The following MEGF10 variants were observed in gnomAD, a reference collection of about 807,000 sequenced individuals.
The protein encoded by MEGF10 is multiple EGF like domains 10.
MEGF10 carries 86 observed loss-of-function variants against 147.5 expected under a neutral mutation model. That is an observed-to-expected ratio of 0.58 (90% CI 0.49 to 0.70). MEGF10 has a LOEUF of 0.70. MEGF10 is among the 30% of genes least tolerant of loss of function. The pLI is 0.00. For missense variants in MEGF10, 1,329 were observed against 1,487.3 expected (o/e 0.89, Z 1.75); for synonymous variants, 478 against 525.5 (o/e 0.91, Z 1.24).
At position 127,422,887 on chromosome 5, in the gene MEGF10, T is replaced by C. The variant is rs370330111; in HGVS notation, c.1693+115T>C. On this transcript the variant is annotated intron_variant, in intron 13 of 24. Transcript: ENST00000503335. ...GTCAACTTTTCAAAAAAAATGAAAA[T>C]TCGATAAGGTTTCCAGTAAACTGAA... The C allele has an allele frequency of 1.1e-5, 8 of 758,730 alleles. 1 individual carries two copies. Among genetic ancestry groups the C allele is most frequent in the East Asian group, 2.7e-5 (1 of 36,482 alleles). 47.0% of individuals were successfully genotyped at this position (758,730 alleles called of 1,614,324 possible).
At chr5:127,328,919 G>A (rs552345866) in intron 1 of MEGF10, among the ~76,000 whole-genome samples, 1 of 152,246 alleles carries the variant, frequency 6.6e-6, no homozygotes, top group South Asian at 2.1e-4. Context: ...TTTTTTGATG[G>A]ATGAGGAAAA....
rs1245485061 is a variant in MEGF10, at chr5:127,417,737, G to A, written c.1230G>A (p.Gln410=). 4 of 1,613,956 alleles carry A rather than the reference G, an allele frequency of 2.5e-6. No individual in the cohort carries two copies. The highest frequency in any genetic ancestry group is 3.4e-6 in the Non-Finnish European group (4 of 1,180,032). The change falls in exon 10 of 25, where the codon CAG becomes CAA. Residue 410 remains glutamine (Q), a synonymous_variant. Transcript: ENST00000503335. ...CSPGFYGEAC[Q]QICSCQNGAD... ...CTGGATTCTACGGGGAAGCTTGCCAGCAGATCTGCAGCTGCCAAAATGGGG... is the reference window on the plus strand; with the variant it reads ...CTGGATTCTACGGGGAAGCTTGCCAACAGATCTGCAGCTGCCAAAATGGGG...
chr5:127,269,677 C>T, the MEGF10 span, among the ~76,000 whole-genome samples: 15 of 152,156 alleles, frequency 9.9e-5, no homozygotes, highest in Non-Finnish European at 1.6e-4. Context: ...AGGATATTAT[C>T]CAGGAGAAAT....
upstream of MEGF10, chr5:127,290,693 C>G (rs1759207460): frequency 6.6e-6 from 1 of 152,660 alleles, no homozygotes; most frequent in Non-Finnish European, 1.5e-5. Flanking sequence ...GACAACCCCC[C>G]AGCGGCCACT....
At chr5:127,432,888 G>A (rs1475263705) in intron 13 of MEGF10, among the ~76,000 whole-genome samples, 3 of 152,126 alleles carry the variant, frequency 2.0e-5, no homozygotes, top group Non-Finnish European at 4.4e-5. Flanking sequence ...GCACCATCAA[G>A]TTATTTTAAG....
rs376636074 is a variant in MEGF10 at position 127,308,692 on chromosome 5, A to G, written c.-19+17636A>G. ...AACACATGGACACAGGAAGGGGAAC[A>G]TCACACACCAGAGCCTGTTGTGGGG... On this transcript the variant is annotated intron_variant, in intron 1 of 24. Coordinates refer to ENST00000503335, the MANE Select transcript of MEGF10 (RefSeq NM_001256545.2). 5.3e-5 allele frequency among the ~76,000 whole-genome samples: 8 copies of G among 151,436 alleles called. No individual in the cohort carries two copies. In the South Asian group the frequency reaches 1.3e-3, roughly 24 times the overall value.
chr5:127,425,182 T>C (rs1193314727), intron 13 of MEGF10, among the ~76,000 whole-genome samples: 1 of 152,206 alleles, frequency 6.6e-6, no homozygotes, highest in East Asian at 1.9e-4. Context: ...CCGGAAAATG[T>C]GTTAGTTGCA....
At chr5:127,322,511 A>G (rs1051027293) in intron 1 of MEGF10, among the ~76,000 whole-genome samples, 5 of 152,176 alleles carry the variant, frequency 3.3e-5, no homozygotes, top group Admixed American at 3.3e-4. Context: ...GAATGCCCAT[A>G]CATGTTTTGT....
intron 13 of MEGF10, among the ~76,000 whole-genome samples, chr5:127,426,121 A>C (rs535241664): frequency 2.0e-4 from 30 of 152,312 alleles, no homozygotes; most frequent in Non-Finnish European, 3.2e-4. Flanking sequence ...AGGAATTGAC[A>C]TGACTAAATT....
the MEGF10 span, among the ~76,000 whole-genome samples, chr5:127,266,181 C>A: frequency 6.6e-6 from 1 of 151,878 alleles, no homozygotes; most frequent in Admixed American, 6.6e-5. Flanking sequence ...ATAGGGAATC[C>A]TTTCCCCATT....
chr5:127,267,004 T>C, the MEGF10 span, among the ~76,000 whole-genome samples: 12 of 152,226 alleles, frequency 7.9e-5, no homozygotes, highest in Non-Finnish European at 1.8e-4. Context: ...TGTGCCAGTT[T>C]TCAAAGGGAA....
chr5:127,300,365 G>T (rs1759713417), intron 1 of MEGF10, among the ~76,000 whole-genome samples: 1 of 152,112 alleles, frequency 6.6e-6, no homozygotes, highest in African/African-American at 2.4e-5. Context: ...TTAAAAATAG[G>T]AAAGTTAAAT....
intron 9 of MEGF10, among the ~76,000 whole-genome samples, chr5:127,414,795 C>G (rs889789312): frequency 6.6e-6 from 1 of 152,088 alleles, no homozygotes; most frequent in Admixed American, 6.6e-5. Flanking sequence ...TTCTGGCCCT[C>G]CTGGAACTCA....
intron 4 of MEGF10, among the ~76,000 whole-genome samples, chr5:127,361,572 G>C (rs1367917654): frequency 2.0e-5 from 3 of 151,912 alleles, no homozygotes; most frequent in Non-Finnish European, 4.4e-5. Flanking sequence ...TTTCACTGGG[G>C]TTTAATTTGA....
chr5:127,278,776 A>T, the MEGF10 span, among the ~76,000 whole-genome samples: 10 of 152,200 alleles, frequency 6.6e-5, no homozygotes, highest in African/African-American at 2.4e-4. Flanking sequence ...TCAGTGAAAT[A>T]GGGAAATGAG....
chr5:127,461,064 AG>A lies in MEGF10; in HGVS notation c.*3749del, dbSNP rs1252687251. 5 of 152,342 alleles carry A rather than the reference AG, an allele frequency of 3.3e-5. No homozygotes were observed. The East Asian group carries it at 9.6e-4, about 29-fold the overall frequency. The allele number at this position is 152,342 out of a possible 1,614,324, so 9.4% of individuals were successfully genotyped here. On this transcript the variant is annotated 3_prime_UTR_variant, in exon 25 of 25. Transcript: ENST00000503335. ...TTAAAAAGAAAAATCAAAATACATT[AG>A]GGTTTACTTGGTTGTGGCAAACAAA...
chr5:127,300,827 T>C (rs540463707), intron 1 of MEGF10, among the ~76,000 whole-genome samples: 1 of 152,302 alleles, frequency 6.6e-6, no homozygotes, highest in East Asian at 1.9e-4. Flanking sequence ...TCATAGGTGA[T>C]TGCTTTACTT....
intron 1 of MEGF10, among the ~76,000 whole-genome samples, chr5:127,317,484 T>A (rs1486406910): frequency 6.6e-6 from 1 of 152,238 alleles, no homozygotes; most frequent in African/African-American, 2.4e-5. Context: ...TGAATTAATT[T>A]TTTTATAAGG....
At chr5:127,263,980 C>A in the MEGF10 span, among the ~76,000 whole-genome samples, 1 of 152,120 alleles carries the variant, frequency 6.6e-6, no homozygotes, top group African/African-American at 2.4e-5. Context: ...AAATTCACAG[C>A]CACTGTTTTG....
Sources: allele counts gnomAD v4.1 joint callset (sites outside exome capture counted in the v4.1 genomes callset), GRCh38; gene constraint gnomAD v4.1.1; transcripts MANE v1.5; gene names NCBI Gene and HGNC (gene_info 2026-07-23, HGNC 2026-07-21).